Variants in CRKL observed in about 807,000 individuals in gnomAD.
CRKL encodes CRK like proto-oncogene, adaptor protein.
CRKL carries 3 observed loss-of-function variants against 23.0 expected under a neutral mutation model. That is an observed-to-expected ratio of 0.13 (90% CI 0.06 to 0.34). CRKL has a LOEUF of 0.34. Among genes scored for constraint, CRKL ranks in the 10% least tolerant of loss-of-function variants. The probability of loss-of-function intolerance (pLI) is 1.00; values close to 1 mark genes in which losing one functional copy is unlikely to be tolerated. For synonymous variants in CRKL, 188 were observed against 160.7 expected (o/e 1.17, Z -1.28); for missense variants, 256 against 394.5 (o/e 0.65, Z 2.97).
rs567980778 is a variant in CRKL, at chr22:20,935,782, C to T, written c.777+1538C>T. Among the ~76,000 whole-genome samples the T allele has an allele frequency of 8.5e-5, 13 of 152,122 alleles. 1 individual carries two copies. The South Asian group carries it at 2.3e-3, about 27-fold the overall frequency. On this transcript the variant is annotated intron_variant, in intron 2 of 2. Transcript: ENST00000354336. ...CTCAGGTGACCCACCCACCTTAGCC[C>T]GCAAGTGCTGGGATTACAGGCATGA...
At chr22:20,927,128 A>AAAAAAAAAAAAG (rs1555918902) in intron 1 of CRKL, among the ~76,000 whole-genome samples, 3 of 125,816 alleles carry the variant, frequency 2.4e-5, no homozygotes, top group African/African-American at 5.9e-5. Context: ...AAAAAAAAAA[A>AAAAAAAAAAAAG]AAAAAAAAGA....
At chr22:20,921,515 T>TACAGGAGCGACCTGTATA (rs1555918124) in intron 1 of CRKL, among the ~76,000 whole-genome samples, 1 of 150,704 alleles carries the variant, frequency 6.6e-6, no homozygotes, top group Non-Finnish European at 1.5e-5. Context: ...AAGATCAATA[T>TACAGGAGCGACCTGTATA]ACAGGAGGGA....
intron 2 of CRKL, among the ~76,000 whole-genome samples, chr22:20,948,341 A>T (rs182005166): frequency 0.014 from 2,193 of 152,140 alleles, 18 homozygotes; most frequent in Non-Finnish European, 0.023. Flanking sequence ...CTTGTTGGTG[A>T]CAAGGTTGGA....
At chr22:20,930,637 C>T (rs1051770730) in intron 1 of CRKL, among the ~76,000 whole-genome samples, 3 of 150,594 alleles carry the variant, frequency 2.0e-5, no homozygotes, top group Admixed American at 6.6e-5. Context: ...CCGCCTCGGC[C>T]TCCCAGTGTT....
In CRKL at chr22:20,917,625, G is replaced by C. The variant is rs561431432; in HGVS notation, c.-310G>C. The C allele has an allele frequency of 1.2e-5, 5 of 412,584 alleles. No individual in the cohort carries two copies. The highest frequency in any genetic ancestry group is 8.4e-5 in the East Asian group (2 of 23,812). 25.6% of individuals were successfully genotyped at this position (412,584 alleles called of 1,614,324 possible). On this transcript the variant is annotated 5_prime_UTR_variant, in exon 1 of 3. Transcript: ENST00000354336. ...CCGGGAGTCACTGGAGGCACCCCTG[G>C]GACGCCGAGCAGCCCGAGAACCCCG...
intron 2 of CRKL, among the ~76,000 whole-genome samples, chr22:20,940,914 C>T (rs1921848003): frequency 6.6e-6 from 1 of 152,070 alleles, no homozygotes; most frequent in Non-Finnish European, 1.5e-5. Flanking sequence ...GCTGCATCTG[C>T]TTGCTGAGGT....
intron 1 of CRKL, among the ~76,000 whole-genome samples, chr22:20,928,958 G>A (rs1921335914): frequency 6.6e-6 from 1 of 151,904 alleles, no homozygotes; most frequent in African/African-American, 2.4e-5. Flanking sequence ...GATGTTTTGT[G>A]TATGGTTTAT....
At chr22:20,931,473 C>A (rs964174168) in intron 1 of CRKL, among the ~76,000 whole-genome samples, 3 of 152,152 alleles carry the variant, frequency 2.0e-5, no homozygotes, top group African/African-American at 7.2e-5. Context: ...CATGTCGGTA[C>A]ATTGGATGCT....
At chr22:20,929,710 C>T (rs1921370038) in intron 1 of CRKL, among the ~76,000 whole-genome samples, 1 of 152,186 alleles carries the variant, frequency 6.6e-6, no homozygotes, top group Non-Finnish European at 1.5e-5. Context: ...ATCCACCTGC[C>T]TCGGCCTTCC....
intron 2 of CRKL, among the ~76,000 whole-genome samples, chr22:20,942,875 C>T (rs978077050): frequency 1.3e-5 from 2 of 152,172 alleles, no homozygotes; most frequent in Non-Finnish European, 2.9e-5. Context: ...ACCTCAGCCT[C>T]CCAAAGTGCT....
intron 1 of CRKL, among the ~76,000 whole-genome samples, chr22:20,922,979 T>C (rs1476597071): frequency 6.6e-6 from 1 of 152,106 alleles, no homozygotes; most frequent in Non-Finnish European, 1.5e-5. Context: ...GGCCTAGCTC[T>C]AGTGTATTTT....
rs1236574922 is a variant in CRKL at position 20,950,959 on chromosome 22, A to G, written c.*1114A>G. ...TGCTATGTGCACAGCCCCTTGGATT[A>G]CTTTGTTTTAAAAAGCATCAGAGTT... is the stretch of plus-strand genomic sequence containing the variant. On this transcript the variant is annotated 3_prime_UTR_variant, in exon 3 of 3. Coordinates refer to ENST00000354336, the MANE Select transcript of CRKL (RefSeq NM_005207.4). The G allele has an allele frequency of 4.3e-6, 1 of 232,494 alleles. No individual in the cohort carries two copies. Among genetic ancestry groups the G allele is most frequent in the African/African-American group, 2.2e-5 (1 of 45,302 alleles). The allele number at this position is 232,494 out of a possible 1,614,324, so 14.4% of individuals were successfully genotyped here. A position where few individuals can be genotyped will look rare whatever the true frequency, so the allele number is the denominator to read the frequency against.
intron 2 of CRKL, among the ~76,000 whole-genome samples, chr22:20,939,326 C>T (rs1201823228): frequency 5.3e-5 from 8 of 150,470 alleles, no homozygotes; most frequent in Admixed American, 4.0e-4. Flanking sequence ...CTGCAAGCTC[C>T]GCCTCCCGGG....
rs1437405635 is a variant in CRKL, at chr22:20,949,949, A to C, written c.*104A>C. ...ATAGGCAAGTCACACTGCATTGCCG[A>C]AGTCCAGCTTTCTGCAGACTGGCAG... is the stretch of plus-strand genomic sequence containing the variant. On this transcript the variant is annotated 3_prime_UTR_variant, in exon 3 of 3. Transcript: ENST00000354336. The C allele has an allele frequency of 1.6e-5, 23 of 1,450,552 alleles. No homozygotes were observed. The highest frequency in any genetic ancestry group is 1.9e-5 in the Non-Finnish European group (21 of 1,090,344). 89.9% of individuals were successfully genotyped at this position (1,450,552 alleles called of 1,614,324 possible).
rs1284519065 is a variant in CRKL, at chr22:20,953,606, C to T, written c.*3761C>T. On this transcript the variant is annotated 3_prime_UTR_variant, in exon 3 of 3. Transcript: ENST00000354336. ...AATGACTTATATTCTTAGAATACAT[C>T]GAGTGTCTTTTCTTAACAGATTAGT... 1.9e-5 allele frequency: 4 copies of T among 214,176 alleles called. No individual in the cohort carries two copies. Among genetic ancestry groups the T allele is most frequent in the Non-Finnish European group, 3.8e-5 (4 of 105,982 alleles). 13.3% of individuals were successfully genotyped at this position (214,176 alleles called of 1,614,324 possible).
intron 2 of CRKL, among the ~76,000 whole-genome samples, chr22:20,947,662 TTTTTCTTTTTTTCA>T (rs1569138672): frequency 2.2e-5 from 3 of 133,568 alleles, no homozygotes; most frequent in African/African-American, 8.0e-5. Context: ...TTTCTTTTCT[TTTTTCTTTTTTTCA>T]TTTTTTTTTT....
chr22:20,920,211 G>A (rs1283674851), intron 1 of CRKL, among the ~76,000 whole-genome samples: 2 of 152,088 alleles, frequency 1.3e-5, no homozygotes, highest in Non-Finnish European at 2.9e-5. Context: ...GTTTCAAAAA[G>A]CAAGTTAATG....
chr22:20,931,596 G>A (rs1056268633), intron 1 of CRKL, among the ~76,000 whole-genome samples: 1 of 152,110 alleles, frequency 6.6e-6, no homozygotes, highest in African/African-American at 2.4e-5. Context: ...TGAGTGAAGA[G>A]TTTAGAACCA....
chr22:20,926,718 G>A (rs543682545), intron 1 of CRKL, among the ~76,000 whole-genome samples: 1 of 152,180 alleles, frequency 6.6e-6, no homozygotes, highest in South Asian at 2.1e-4. Context: ...GGAAGGAGAG[G>A]CAGCCACAAG....
Sources: gnomAD v4.1 joint callset for allele counts (sites outside exome capture counted in the v4.1 genomes callset) on GRCh38, gnomAD v4.1.1 for gene constraint, MANE v1.5 for transcripts, NCBI Gene and HGNC (gene_info 2026-07-23, HGNC 2026-07-21) for gene names.